The following ADAM12 variants were observed in gnomAD, a reference collection of about 807,000 sequenced individuals.
The protein encoded by ADAM12 is disintegrin and metalloproteinase domain-containing protein 12.
ADAM12 carries 70 observed loss-of-function variants against 106.4 expected under a neutral mutation model. The observed-to-expected ratio is 0.66, with a 90% CI of 0.54 to 0.80. ADAM12 has a LOEUF of 0.80. ADAM12 is among the 30% of genes least tolerant of loss of function. The probability of loss-of-function intolerance (pLI) is 0.00; values close to 1 mark genes in which losing one functional copy is unlikely to be tolerated. For missense variants in ADAM12, 1,010 were observed against 1,171.9 expected (o/e 0.86, Z 2.02); for synonymous variants, 420 against 433.5 (o/e 0.97, Z 0.39).
intron 3 of ADAM12, among the ~76,000 whole-genome samples, chr10:126,177,115 A>G (rs559138858): frequency 6.6e-6 from 1 of 152,292 alleles, no homozygotes; most frequent in African/African-American, 2.4e-5. Context: ...TTATGGCTGT[A>G]CATGGCTGCA....
At chr10:126,156,887 G>A (rs1450444455) in intron 3 of ADAM12, among the ~76,000 whole-genome samples, 4 of 152,216 alleles carry the variant, frequency 2.6e-5, no homozygotes, top group African/African-American at 9.7e-5. Flanking sequence ...ACAGAACCTG[G>A]GTTTTCTGTG....
chr10:126,286,995 C>A (rs1959896263), intron 2 of ADAM12, among the ~76,000 whole-genome samples: 1 of 152,206 alleles, frequency 6.6e-6, no homozygotes, highest in African/African-American at 2.4e-5. Flanking sequence ...CAGCTTGCTT[C>A]TCCCTCCCTG....
At chr10:126,338,003 G>A (rs1173834141) in intron 1 of ADAM12, among the ~76,000 whole-genome samples, 1 of 152,172 alleles carries the variant, frequency 6.6e-6, no homozygotes, top group African/African-American at 2.4e-5. Flanking sequence ...AGCCTTGGGC[G>A]TGTTAGAGGA....
At chr10:126,037,408 CT>C (rs1954080276) in intron 20 of ADAM12, among the ~76,000 whole-genome samples, 2 of 151,718 alleles carry the variant, frequency 1.3e-5, no homozygotes, top group African/African-American at 4.8e-5. Context: ...AGGGGTAAAG[CT>C]TATTGGGAAT....
chr10:126,017,102 G>A lies in ADAM12; in HGVS notation c.*177C>T. ...AAATTAATAATTTACAAGTACCTGA[G>A]CAAGTAGACAGAGCACCATAGCACA... On this transcript the variant is annotated 3_prime_UTR_variant, in exon 23 of 23. Coordinates refer to ENST00000448723, the MANE Select transcript of ADAM12 (RefSeq NM_001288973.2). The A allele has an allele frequency of 1.8e-6, 1 of 559,798 alleles. No individual in the cohort carries two copies. Among genetic ancestry groups the A allele is most frequent in the Non-Finnish European group, 3.2e-6 (1 of 315,320 alleles). The allele number at this position is 559,798 out of a possible 1,614,324, so 34.7% of individuals were successfully genotyped here.
At chr10:126,045,035 C>T (rs1257085232) in intron 17 of ADAM12, among the ~76,000 whole-genome samples, 1 of 152,138 alleles carries the variant, frequency 6.6e-6, no homozygotes, top group African/African-American at 2.4e-5. Context: ...ACCTACCCAG[C>T]AAATGCGGGC....
At chr10:126,368,168 A>T (rs895014853) in intron 1 of ADAM12, among the ~76,000 whole-genome samples, 1 of 151,872 alleles carries the variant, frequency 6.6e-6, no homozygotes, top group Non-Finnish European at 1.5e-5. Flanking sequence ...ATATAGGATA[A>T]ACAACAAATG....
intron 5 of ADAM12, among the ~76,000 whole-genome samples, chr10:126,132,743 C>T (rs998162349): frequency 3.3e-5 from 5 of 152,042 alleles, no homozygotes; most frequent in African/African-American, 1.2e-4. Context: ...GGCCCAGTGA[C>T]CTGTCCATCG....
intron 14 of ADAM12, among the ~76,000 whole-genome samples, chr10:126,055,686 T>C (rs1379838177): frequency 1.3e-5 from 2 of 152,276 alleles, no homozygotes; most frequent in East Asian, 1.9e-4. Context: ...TACTTGACTA[T>C]AGACTCCTGT....
At chr10:126,371,635 C>T (rs961809464) in intron 1 of ADAM12, among the ~76,000 whole-genome samples, 1 of 152,234 alleles carries the variant, frequency 6.6e-6, no homozygotes, top group African/African-American at 2.4e-5. Flanking sequence ...GGCTTTACTG[C>T]TGCAATCACC....
chr10:126,252,851 AC>A (rs1488732310), intron 3 of ADAM12, among the ~76,000 whole-genome samples: 1 of 152,166 alleles, frequency 6.6e-6, no homozygotes, highest in Admixed American at 6.5e-5. Context: ...GAACAGGGAC[AC>A]TGAGCAGGTT....
Position 126,293,059 on chromosome 10 carries a change from C to T in ADAM12, c.187-14071G>A, listed in dbSNP as rs143419397. Among the ~76,000 whole-genome samples the T allele has an allele frequency of 4.9e-4, 75 of 152,302 alleles. 2 individuals carry two copies. The highest frequency in any genetic ancestry group is 3.4e-3 in the Middle Eastern group (1 of 294). On this transcript the variant is annotated intron_variant, in intron 2 of 22. Coordinates refer to ENST00000448723, the MANE Select transcript of ADAM12 (RefSeq NM_001288973.2). ...GGACCACATTGCAGAACCATTGTTGCTCGACCAAGTTTCACAGGCCAGCAA... is the reference window on the plus strand; with the variant it reads ...GGACCACATTGCAGAACCATTGTTGTTCGACCAAGTTTCACAGGCCAGCAA...
At chr10:126,289,100 G>A (rs1297430399) in intron 2 of ADAM12, among the ~76,000 whole-genome samples, 3 of 152,170 alleles carry the variant, frequency 2.0e-5, no homozygotes, top group Non-Finnish European at 4.4e-5. Flanking sequence ...GGACCGTGTG[G>A]TGACACAATG....
intron 3 of ADAM12, among the ~76,000 whole-genome samples, chr10:126,231,837 C>A (rs1377941040): frequency 1.3e-5 from 2 of 152,184 alleles, no homozygotes; most frequent in Non-Finnish European, 2.9e-5. Context: ...GGGATTGGTC[C>A]TTGACCCACT....
intron 3 of ADAM12, among the ~76,000 whole-genome samples, chr10:126,190,606 G>T (rs1035938791): frequency 2.0e-5 from 3 of 152,160 alleles, no homozygotes; most frequent in East Asian, 3.9e-4. Flanking sequence ...GAGGTTCAAA[G>T]TCTGGTGGGA....
chr10:126,214,355 G>A (rs891442886), intron 3 of ADAM12, among the ~76,000 whole-genome samples: 1 of 152,160 alleles, frequency 6.6e-6, no homozygotes, highest in Non-Finnish European at 1.5e-5. Context: ...TTTCTACCCT[G>A]TAGGGTTGCT....
chr10:126,265,548 G>A (rs971979036), intron 3 of ADAM12, among the ~76,000 whole-genome samples: 2 of 152,144 alleles, frequency 1.3e-5, no homozygotes, highest in African/African-American at 2.4e-5. Flanking sequence ...CATGGCACAA[G>A]AGAAGAACGA....
At chr10:126,306,376 T>C (rs977453662) in intron 2 of ADAM12, among the ~76,000 whole-genome samples, 1 of 152,132 alleles carries the variant, frequency 6.6e-6, no homozygotes, top group Admixed American at 6.5e-5. Context: ...GTGCTATTCA[T>C]AGTTTACTTA....
intron 3 of ADAM12, among the ~76,000 whole-genome samples, chr10:126,176,249 A>C (rs1211144962): frequency 3.3e-5 from 5 of 152,372 alleles, no homozygotes; most frequent in African/African-American, 1.2e-4. Context: ...CATGCGTTCA[A>C]GGCCTTCTCT....
Sources: allele counts gnomAD v4.1 joint callset (sites outside exome capture counted in the v4.1 genomes callset), GRCh38; gene constraint gnomAD v4.1.1; transcripts MANE v1.5; gene names NCBI Gene and HGNC (gene_info 2026-07-23, HGNC 2026-07-21).